Variants in EXOC3L4 observed in about 807,000 individuals in gnomAD.
EXOC3L4 encodes exocyst complex component 3-like protein 4.
EXOC3L4 carries 62 observed loss-of-function variants against 69.7 expected under a neutral mutation model. The ratio of observed to expected loss-of-function variants is 0.89; its 90% CI spans 0.72 to 1.10. The LOEUF (loss-of-function observed/expected upper bound fraction) is 1.10, where lower values mean the gene tolerates loss of function less well. Among genes scored for constraint, EXOC3L4 ranks in the 50% least tolerant of loss-of-function variants. The pLI, the probability that EXOC3L4 is intolerant of heterozygous loss-of-function variation, is 0.00. For synonymous variants in EXOC3L4, 502 were observed against 464.2 expected, an observed-to-expected ratio of 1.08 and a Z score of -1.05; for missense variants, 1,087 against 1,034.8, an observed-to-expected ratio of 1.05 and a Z score of -0.69.
intron 7 of EXOC3L4, among the ~76,000 whole-genome samples, 167 bp from the exon 8 acceptor site, chr14:103,106,618 G>A (rs142179068): frequency 6.6e-6 from 1 of 152,266 alleles, no homozygotes; most frequent in African/African-American, 2.4e-5. Flanking sequence ...GGCTCCCTGG[G>A]CTTCTGTGCT....
chr14:103,097,313 G>C lies in EXOC3L4; in HGVS notation c.-17+2473G>C, dbSNP rs1889937180. ...GGGCTCAGGCCGGGCGTCAGTCTCT[G>C]GGGCCTTGCAATCAGGGAGCGGCAG... On this transcript the variant is annotated intron_variant, in intron 1 of 11. Transcript: ENST00000688303. The surrounding 1 kb of genome is among the most constrained non-coding windows in gnomAD (Gnocchi z 4.9). Among the ~76,000 whole-genome samples, 1 of 152,164 alleles carries C rather than the reference G, an allele frequency of 6.6e-6. No individual in the cohort carries two copies.
In EXOC3L4 at chr14:103,096,768, G is replaced by A. The variant is rs962531745; in HGVS notation, c.-17+1928G>A. ...CTCTCAACAGGAAAACCCAAGTGCT[G>A]TTGGGGAGGTTGGCCAACGACCGTC... On this transcript the variant is annotated intron_variant, in intron 1 of 11. Transcript: ENST00000688303. Among the ~76,000 whole-genome samples the A allele has an allele frequency of 5.3e-5, 8 of 152,210 alleles. No homozygotes were observed. The East Asian group carries it at 1.5e-3, about 29-fold the overall frequency.
rs757686529 is a variant in EXOC3L4, at chr14:103,104,291, A to G, written c.1186A>G (p.Ser396Gly). 8.8e-5 allele frequency: 141 copies of G among 1,595,702 alleles called. No individual in the cohort carries two copies. Among genetic ancestry groups the G allele is most frequent in the Non-Finnish European group, 1.2e-4 (137 of 1,173,084 alleles). The change falls in exon 5 of 12, where the codon AGC becomes GGC. Residue 396 changes from serine (S) to glycine (G), a missense_variant. Physicochemically the swap from Ser to Gly is moderately conservative, Grantham distance 56. Coordinates refer to ENST00000688303, the MANE Select transcript of EXOC3L4 (RefSeq NM_001077594.2). Reference protein sequence around the residue: ...LEAKIASCFDSILQLEQSHWA... With the variant: ...LEAKIASCFDGILQLEQSHWA... The stretch of plus-strand genomic sequence containing the variant: ...GGCCAAGATCGCAAGCTGCTTCGAC[A>G]GCATCTTGCAGCTGGAGCAGAGTCA...
At position 103,096,841 on chromosome 14, in the gene EXOC3L4, A is replaced by AG. The variant is rs375116940; in HGVS notation, c.-17+2006dup. On this transcript the variant is annotated intron_variant, in intron 1 of 11. Coordinates refer to ENST00000688303, the MANE Select transcript of EXOC3L4 (RefSeq NM_001077594.2). Reference sequence around the variant, plus strand: ...TGACTGATCCGAGGAGGCAGCATTGAGGGGGCCTGGGAAGGAGAGCAGCTC... The same window carrying AG: ...TGACTGATCCGAGGAGGCAGCATTGAGGGGGGCCTGGGAAGGAGAGCAGCTC... Among the ~76,000 whole-genome samples, 66 of 152,260 alleles carry AG rather than the reference A, an allele frequency of 4.3e-4. No individual in the cohort carries two copies. The Middle Eastern group carries it at 0.02, about 47-fold the overall frequency.
At chr14:103,104,492 C>G in intron 5 of EXOC3L4, 103 bp downstream of exon 5, 1 of 1,392,926 alleles carries the variant, frequency 7.2e-7, no homozygotes, top group Non-Finnish European at 9.3e-7. Context: ...ACCAACCCTT[C>G]CGTTAGATGG....
At chr14:103,094,383 G>A (rs1341408468), upstream of EXOC3L4, among the ~76,000 whole-genome samples, 1 of 152,162 alleles carries the variant, frequency 6.6e-6, no homozygotes, top group Non-Finnish European at 1.5e-5. Context: ...TCTGGGCTCC[G>A]GCACTGTGGG....
At chr14:103,105,586 C>T (rs947677358) in intron 7 of EXOC3L4, among the ~76,000 whole-genome samples, 3 of 151,996 alleles carry the variant, frequency 2.0e-5, no homozygotes, top group Non-Finnish European at 4.4e-5. Context: ...TTTTTCCCTC[C>T]CTTCATCCCA....
intron 7 of EXOC3L4, among the ~76,000 whole-genome samples, chr14:103,106,052 T>C (rs1890530954): frequency 6.6e-6 from 1 of 152,230 alleles, no homozygotes; most frequent in Non-Finnish European, 1.5e-5. Context: ...TGAGCACTTC[T>C]CAGTGCCAGG....
chr14:103,097,886 A>G lies in EXOC3L4; in HGVS notation c.-16-2318A>G, dbSNP rs1889969803. Among the ~76,000 whole-genome samples, 1 of 151,952 alleles carries G rather than the reference A, an allele frequency of 6.6e-6. No individual in the cohort carries two copies. Among genetic ancestry groups the G allele is most frequent in the South Asian group, 2.1e-4 (1 of 4,818 alleles). ...CCGTGAACCCCAGGGGAAGCTGGTG[A>G]GGTGTCATCAGCGGGAGGTGGGGGG... is the stretch of plus-strand genomic sequence containing the variant. On this transcript the variant is annotated intron_variant, in intron 1 of 11. Transcript: ENST00000688303. This position sits in a 1 kb window ranked among gnomAD's most constrained non-coding sequence, Gnocchi z 4.9.
intron 9 of EXOC3L4, 28 bp downstream of exon 9, chr14:103,107,571 G>C (rs1890637699): frequency 1.2e-6 from 2 of 1,612,678 alleles, no homozygotes; most frequent in Non-Finnish European, 1.7e-6. Context: ...GCCCTGGCAG[G>C]GCTGTGCCCA....
Position 103,104,280 on chromosome 14 carries a change from G to A in EXOC3L4, c.1175G>A (p.Ser392Asn). The stretch of plus-strand genomic sequence containing the variant: ...TTCTCCCCCCAGGCCAAGATCGCAA[G>A]CTGCTTCGACAGCATCTTGCAGCTG... ...YTSFLEAKIA[S>N]CFDSILQLEQ... Residue 392 changes from serine (S) to asparagine (N), a missense_variant, in exon 5 of 12, where the codon AGC (serine) becomes AAC (asparagine). Physicochemically the swap from Ser to Asn is conservative, Grantham distance 46. Coordinates refer to ENST00000688303, the MANE Select transcript of EXOC3L4 (RefSeq NM_001077594.2). 6.3e-7 allele frequency: 1 copy of A among 1,592,988 alleles called. No individual in the cohort carries two copies. The highest frequency in any genetic ancestry group is 8.5e-7 in the Non-Finnish European group (1 of 1,171,692).
At chr14:103,108,300 G>A (rs908527219) in intron 10 of EXOC3L4, 96 bp from the exon 11 acceptor site, 44 of 1,522,898 alleles carry the variant, frequency 2.9e-5, no homozygotes, top group Middle Eastern at 2.1e-4. Flanking sequence ...CTGACGCTGC[G>A]GGAGGGCTGA....
In EXOC3L4 at chr14:103,103,977, CG is replaced by C. The variant is rs1566949645; in HGVS notation, c.1087del (p.Ala363ProfsTer72). On this transcript the variant is annotated frameshift_variant, in exon 4 of 12. Transcript: ENST00000688303. LOFTEE classifies it high-confidence loss of function. ...TGGGCGCCCCGGGGCTGGCGCTGCCCGCCGAGCCGCTGCCTCCGCTCCTGGC... is the reference window on the plus strand; with the variant it reads ...TGGGCGCCCCGGGGCTGGCGCTGCCCCCGAGCCGCTGCCTCCGCTCCTGGC... ...FLGAPGLALP[A>X]EPLPPLLAPD... 14 of 1,557,582 alleles carry C rather than the reference CG, an allele frequency of 9.0e-6. No homozygotes were observed. Among genetic ancestry groups the C allele is most frequent in the Non-Finnish European group, 1.2e-5 (14 of 1,157,862 alleles).
At chr14:103,107,138 G>A (rs746969750) in intron 8 of EXOC3L4, among the ~76,000 whole-genome samples, 7 of 152,186 alleles carry the variant, frequency 4.6e-5, no homozygotes, top group Non-Finnish European at 7.4e-5. Flanking sequence ...GCCTGGGATG[G>A]TGGGTCCACG....
rs541553889 is a variant in EXOC3L4, at chr14:103,108,262, G to A, written c.1855-134G>A. The A allele has an allele frequency of 1.0e-3, 1,357 of 1,355,642 alleles. 10 individuals are homozygous for A. In the African/African-American group the frequency reaches 0.017, roughly 17 times the overall value. 84.0% of individuals were successfully genotyped at this position (1,355,642 alleles called of 1,614,324 possible). On this transcript the variant is annotated intron_variant, in intron 10 of 11. Coordinates refer to ENST00000688303, the MANE Select transcript of EXOC3L4 (RefSeq NM_001077594.2). ...TTCTGTTTTGGGGGAGGCAGTCCCGGCACCGAGCCAGAGTGACTACAGGAG... is the reference window on the plus strand; with the variant it reads ...TTCTGTTTTGGGGGAGGCAGTCCCGACACCGAGCCAGAGTGACTACAGGAG...
In EXOC3L4 at chr14:103,102,539, G is replaced by T; in HGVS notation, c.816G>T (p.Ala272=). 7.1e-7 allele frequency: 1 copy of T among 1,411,018 alleles called. No individual in the cohort carries two copies. The allele number at this position is 1,411,018 out of a possible 1,614,324, so 87.4% of individuals were successfully genotyped here. The change falls in exon 3 of 12, where the codon GCG becomes GCT. Residue 272 remains alanine, a synonymous_variant. Coordinates refer to ENST00000688303, the MANE Select transcript of EXOC3L4 (RefSeq NM_001077594.2). The stretch of plus-strand genomic sequence containing the variant: ...GGGCCTTCGGGGAGGCGGAGGGCGC[G>T]TCGGGTTTGGCCCAGCTTCTGGCCG... The part of the protein sequence containing the change: ...AGWAFGEAEG[A]SGLAQLLAEL...
intron 3 of EXOC3L4, among the ~76,000 whole-genome samples, chr14:103,103,372 G>GA (rs1890327434): frequency 1.1e-5 from 1 of 93,268 alleles, no homozygotes; most frequent in African/African-American, 4.4e-5. Flanking sequence ...AAAAAAAAAA[G>GA]AAAGAAAGAA....
Position 103,097,614 on chromosome 14 carries a change from G to A in EXOC3L4, c.-16-2590G>A, listed in dbSNP as rs74085389. ...CAGGCTGTGCTCAGGGGTGACCGGG[G>A]TAGATGGACAGAGGCTGCCAGCCCA... On this transcript the variant is annotated intron_variant, in intron 1 of 11. Transcript: ENST00000688303. The surrounding 1 kb of genome is among the most constrained non-coding windows in gnomAD (Gnocchi z 4.9). Among the ~76,000 whole-genome samples the A allele has an allele frequency of 0.029, 4,377 of 152,320 alleles. 201 individuals carry two copies. The highest frequency in any genetic ancestry group is 0.096 in the African/African-American group (3,999 of 41,558).
chr14:103,099,529 C>T (rs1793725202), intron 1 of EXOC3L4, among the ~76,000 whole-genome samples: 1 of 152,164 alleles, frequency 6.6e-6, no homozygotes, highest in South Asian at 2.1e-4. Context: ...AAATATAGAC[C>T]CGAGGCTCCT....
Sources: allele counts gnomAD v4.1 joint callset (sites outside exome capture counted in the v4.1 genomes callset), GRCh38; gene constraint gnomAD v4.1.1; non-coding constraint Gnocchi (gnomAD v3.1); transcripts MANE v1.5; gene names NCBI Gene and HGNC (gene_info 2026-07-23, HGNC 2026-07-21).